DAAM1: variants seen among roughly 807,000 people sequenced by gnomAD.
DAAM1 encodes the protein dishevelled associated activator of morphogenesis 1, also known as disheveled-associated activator of morphogenesis 1.
DAAM1 carries 52 observed loss-of-function variants against 130.0 expected under a neutral mutation model. The observed-to-expected ratio is 0.40, with a 90% CI of 0.32 to 0.50. The LOEUF (loss-of-function observed/expected upper bound fraction) is 0.50, where lower values mean the gene tolerates loss of function less well. Ranked by LOEUF, DAAM1 falls within the 20% of genes least tolerant of loss-of-function variation. The pLI is 0.61. For missense variants in DAAM1, 1,134 were observed against 1,303.8 expected (o/e 0.87, Z 2.01); for synonymous variants, 452 against 444.5 (o/e 1.02, Z -0.21).
intron 17 of DAAM1, among the ~76,000 whole-genome samples, chr14:59,351,840 TGAAAG>T (rs562012810): frequency 8.3e-4 from 127 of 152,262 alleles, no homozygotes; most frequent in Middle Eastern, 3.4e-3. Flanking sequence ...GTGTGTACCT[TGAAAG>T]GAAATCAGAC....
chr14:59,355,977 C>G (rs186429661), intron 20 of DAAM1, among the ~76,000 whole-genome samples: 3 of 152,204 alleles, frequency 2.0e-5, no homozygotes, highest in Admixed American at 2.0e-4. Flanking sequence ...AAAATGCTTC[C>G]TAGAAAGTGT....
intron 1 of DAAM1, among the ~76,000 whole-genome samples, chr14:59,234,512 T>G (rs1038870452): frequency 2.0e-5 from 3 of 152,176 alleles, no homozygotes; most frequent in Non-Finnish European, 4.4e-5. Context: ...CTTATCAGCT[T>G]AAGGAGTTTT....
At chr14:59,341,463 G>C (rs756571296) in intron 16 of DAAM1, among the ~76,000 whole-genome samples, 8 of 152,164 alleles carry the variant, frequency 5.3e-5, no homozygotes, top group African/African-American at 9.7e-5. Context: ...AGTACAACAA[G>C]ATATTTGGAG....
chr14:59,359,540 A>G, intron 21 of DAAM1, 36 bp downstream of exon 21: 1 of 1,535,362 alleles, frequency 6.5e-7, no homozygotes, highest in Non-Finnish European at 9.0e-7. Context: ...TTCTTAAATC[A>G]CTTGGATTGT....
At chr14:59,345,281 C>T (rs146371769) in intron 16 of DAAM1, among the ~76,000 whole-genome samples, 190 of 152,248 alleles carry the variant, frequency 1.2e-3, no homozygotes, top group African/African-American at 4.4e-3. Flanking sequence ...ATGATTGTCC[C>T]AAGAATGACG....
intron 1 of DAAM1, among the ~76,000 whole-genome samples, chr14:59,242,231 C>T (rs1040077394): frequency 6.6e-6 from 1 of 152,078 alleles, no homozygotes; most frequent in Non-Finnish European, 1.5e-5. Context: ...CAAATTATCC[C>T]AAAAGCTTTA....
intron 1 of DAAM1, among the ~76,000 whole-genome samples, chr14:59,197,336 G>C (rs1887931014): frequency 6.6e-6 from 1 of 152,212 alleles, no homozygotes. Context: ...CTGTTTGTGT[G>C]GCAGTCATTT....
intron 2 of DAAM1, 35 bp from the exon 3 acceptor site, chr14:59,291,182 T>C (rs749127466): frequency 1.3e-6 from 2 of 1,537,178 alleles, no homozygotes; most frequent in Non-Finnish European, 1.8e-6. Context: ...ATAATGTTTA[T>C]CCTATGAAAC....
chr14:59,282,210 C>T (rs1224923085), intron 2 of DAAM1, among the ~76,000 whole-genome samples: 1 of 152,130 alleles, frequency 6.6e-6, no homozygotes, highest in East Asian at 1.9e-4. Flanking sequence ...AAAAAACCCT[C>T]ATTGCTTCCC....
At chr14:59,349,327 A>G (rs1886199403) in intron 17 of DAAM1, among the ~76,000 whole-genome samples, 1 of 152,270 alleles carries the variant, frequency 6.6e-6, no homozygotes, top group Non-Finnish European at 1.5e-5. Flanking sequence ...CTTGAGGGAA[A>G]GGATTTCAAA....
intron 1 of DAAM1, among the ~76,000 whole-genome samples, chr14:59,245,131 G>A (rs1881311180): frequency 6.6e-6 from 1 of 152,166 alleles, no homozygotes; most frequent in Non-Finnish European, 1.5e-5. Context: ...TTTCTACTGT[G>A]TCTTCACGTG....
chr14:59,198,825 C>G (rs1888000428), intron 1 of DAAM1, among the ~76,000 whole-genome samples: 1 of 152,214 alleles, frequency 6.6e-6, no homozygotes, highest in African/African-American at 2.4e-5. Flanking sequence ...AAGACACACT[C>G]TTTGATTTTA....
intron 1 of DAAM1, among the ~76,000 whole-genome samples, chr14:59,198,367 A>C (rs1887980689): frequency 6.6e-6 from 1 of 151,764 alleles, no homozygotes; most frequent in African/African-American, 2.4e-5. Flanking sequence ...CACCATGCCC[A>C]GCTAATTTTT....
At chr14:59,219,725 A>C (rs2139425213) in intron 1 of DAAM1, among the ~76,000 whole-genome samples, 1 of 152,316 alleles carries the variant, frequency 6.6e-6, no homozygotes, top group East Asian at 1.9e-4. Context: ...ATAAACATGC[A>C]ATACTTGATT....
chr14:59,314,811 A>G (rs1884722720), intron 3 of DAAM1, among the ~76,000 whole-genome samples: 1 of 152,208 alleles, frequency 6.6e-6, no homozygotes, highest in African/African-American at 2.4e-5. Context: ...GCCACATCAA[A>G]TGAAACCCTT....
intron 1 of DAAM1, among the ~76,000 whole-genome samples, chr14:59,192,907 G>A (rs1231532256): frequency 6.6e-6 from 1 of 152,188 alleles, no homozygotes; most frequent in Non-Finnish European, 1.5e-5. Context: ...CAAAAAATTA[G>A]CCGGGTGTGG....
chr14:59,232,820 T>C (rs960672339), intron 1 of DAAM1, among the ~76,000 whole-genome samples: 4 of 151,524 alleles, frequency 2.6e-5, no homozygotes, highest in Non-Finnish European at 4.4e-5. Flanking sequence ...CAGCCCCTGG[T>C]GTATGTTGTT....
At chr14:59,278,727 C>G (rs1440079579) in intron 2 of DAAM1, among the ~76,000 whole-genome samples, 24 of 152,086 alleles carry the variant, frequency 1.6e-4, no homozygotes. Flanking sequence ...GGAATACACA[C>G]TAATATAATT....
chr14:59,335,052 A>C (rs1324686638), intron 15 of DAAM1, among the ~76,000 whole-genome samples: 1 of 152,168 alleles, frequency 6.6e-6, no homozygotes, highest in Non-Finnish European at 1.5e-5. Flanking sequence ...CTATGAGTAG[A>C]TATTCATATT....
Sources: allele counts gnomAD v4.1 joint callset (sites outside exome capture counted in the v4.1 genomes callset), GRCh38; gene constraint gnomAD v4.1.1; transcripts MANE v1.5; gene names NCBI Gene and HGNC (gene_info 2026-07-23, HGNC 2026-07-21).